HNRNPUL1: variants seen among roughly 807,000 people sequenced by gnomAD.
HNRNPUL1 encodes the protein heterogeneous nuclear ribonucleoprotein U-like protein 1.
Under a neutral mutation model 108.5 loss-of-function variants are expected in HNRNPUL1, and 14 were observed. The observed-to-expected ratio is 0.13, with a 90% CI of 0.09 to 0.20. The LOEUF (loss-of-function observed/expected upper bound fraction) is 0.20. Among genes scored for constraint, HNRNPUL1 ranks in the 10% least tolerant of loss-of-function variants. The pLI is 1.00. For synonymous variants in HNRNPUL1, 422 were observed against 445.2 expected (o/e 0.95, Z 0.66); for missense variants, 804 against 1,168.3 (o/e 0.69, Z 4.55).
At position 41,306,913 on chromosome 19, in the gene HNRNPUL1, T is replaced by G. The variant is rs1339199330; in HGVS notation, c.*348T>G. 5.7e-6 allele frequency: 1 copy of G among 176,824 alleles called. No individual in the cohort carries two copies. Among genetic ancestry groups the G allele is most frequent in the Non-Finnish European group, 1.2e-5 (1 of 84,210 alleles). 11.0% of individuals were successfully genotyped at this position (176,824 alleles called of 1,614,324 possible). ...TACAGTGACTGAGGGGAGAATCCCCTCCTGTTCACTCTCCCAACCCTGCTC... is the reference window on the plus strand; with the variant it reads ...TACAGTGACTGAGGGGAGAATCCCCGCCTGTTCACTCTCCCAACCCTGCTC... On this transcript the variant is annotated 3_prime_UTR_variant, in exon 15 of 15. Coordinates refer to ENST00000392006, the MANE Select transcript of HNRNPUL1 (RefSeq NM_007040.6).
At chr19:41,285,136 A>G (rs1264115816) in intron 7 of HNRNPUL1, among the ~76,000 whole-genome samples, 1 of 152,204 alleles carries the variant, frequency 6.6e-6, no homozygotes, top group Non-Finnish European at 1.5e-5. Flanking sequence ...TGGTTTAATA[A>G]CTTTAGAAAG....
Position 41,305,549 on chromosome 19 carries a change from C to T in HNRNPUL1, c.2263-127C>T, listed in dbSNP as rs1053788722. On this transcript the variant is annotated intron_variant, in intron 13 of 14. Coordinates refer to ENST00000392006, the MANE Select transcript of HNRNPUL1 (RefSeq NM_007040.6). ...CTCCTTCTCAGCCCACAAACAATGT[C>T]CACTAGGCAAGGGAAGGGCCCCTGT... 3.5e-6 allele frequency: 4 copies of T among 1,142,616 alleles called. No individual in the cohort carries two copies. The African/African-American group carries it at 4.6e-5, about 13-fold the overall frequency. 70.8% of individuals were successfully genotyped at this position (1,142,616 alleles called of 1,614,324 possible).
Position 41,306,547 on chromosome 19 carries a change from T to G in HNRNPUL1, c.2553T>G (p.Gly851=), listed in dbSNP as rs201978925. The change falls in exon 15 of 15, where the codon GGT becomes GGG. Residue 851 remains glycine (G), a synonymous_variant. Coordinates refer to ENST00000392006, the MANE Select transcript of HNRNPUL1 (RefSeq NM_007040.6). Reference sequence around the variant, plus strand: ...GGAGCTACTCCGGGAACACACAGGGTGGCACAAGTACACAGTAGCCAGTGT... The same window carrying G: ...GGAGCTACTCCGGGAACACACAGGGGGGCACAAGTACACAGTAGCCAGTGT... ...DYGSYSGNTQ[G]GTSTQ 3.0e-5 allele frequency: 48 copies of G among 1,600,902 alleles called. No homozygotes were observed. Among genetic ancestry groups the G allele is most frequent in the Non-Finnish European group, 3.7e-5 (43 of 1,174,008 alleles).
chr19:41,287,760 A>G (rs1416379450), intron 7 of HNRNPUL1, among the ~76,000 whole-genome samples: 2 of 151,996 alleles, frequency 1.3e-5, no homozygotes, highest in Non-Finnish European at 2.9e-5. Context: ...GGGTTTCACC[A>G]TGTTGGCCAG....
At chr19:41,274,383 C>T (rs1051791694) in intron 4 of HNRNPUL1, among the ~76,000 whole-genome samples, 3 of 152,186 alleles carry the variant, frequency 2.0e-5, no homozygotes, top group Non-Finnish European at 4.4e-5. Context: ...CCGCCCTGTA[C>T]ACACAGGGGT....
At chr19:41,291,220 A>G (rs1279306774) in intron 7 of HNRNPUL1, among the ~76,000 whole-genome samples, 1 of 152,144 alleles carries the variant, frequency 6.6e-6, no homozygotes, top group African/African-American at 2.4e-5. Flanking sequence ...AGGCTTATAT[A>G]CAAGCAACTG....
intron 10 of HNRNPUL1, among the ~76,000 whole-genome samples, chr19:41,295,357 G>T (rs1057025997): frequency 6.6e-6 from 1 of 152,044 alleles, no homozygotes; most frequent in Non-Finnish European, 1.5e-5. Flanking sequence ...GCAGCTGCAG[G>T]TGTATCCTTT....
At chr19:41,265,547 G>A (rs1279923520) in intron 1 of HNRNPUL1, among the ~76,000 whole-genome samples, 1 of 152,176 alleles carries the variant, frequency 6.6e-6, no homozygotes, top group African/African-American at 2.4e-5. Flanking sequence ...GGAGATCTGG[G>A]GACTTTCTGG....
intron 7 of HNRNPUL1, among the ~76,000 whole-genome samples, chr19:41,288,241 T>C (rs1268509177): frequency 6.7e-6 from 1 of 148,464 alleles, no homozygotes; most frequent in African/African-American, 2.5e-5. Flanking sequence ...CTTGGGGGTC[T>C]TTTTATTTAT....
chr19:41,288,731 G>C (rs1034557909), intron 7 of HNRNPUL1, among the ~76,000 whole-genome samples: 3 of 152,212 alleles, frequency 2.0e-5, no homozygotes, highest in East Asian at 3.9e-4. Context: ...CAGGGGTTTG[G>C]GTACCCTGCT....
intron 6 of HNRNPUL1, among the ~76,000 whole-genome samples, chr19:41,279,870 A>G (rs2035802577): frequency 6.6e-6 from 1 of 152,164 alleles, no homozygotes; most frequent in African/African-American, 2.4e-5. Context: ...CTGGACATTT[A>G]TTTTTTTGTA....
rs890183782 is a variant in HNRNPUL1 at position 41,292,894 on chromosome 19, G to T, written c.1266+383G>T. The stretch of plus-strand genomic sequence containing the variant: ...GGGTCTCGCTCTGTCACCCAGGCTG[G>T]AGTGCAGTGGTGCGATCACGGCTTA... On this transcript the variant is annotated intron_variant, in intron 8 of 14. Transcript: ENST00000392006. The surrounding 1 kb of genome is among the most constrained non-coding windows in gnomAD (Gnocchi z 4.1). 1.3e-5 allele frequency among the ~76,000 whole-genome samples: 2 copies of T among 152,058 alleles called. No individual in the cohort carries two copies. The highest frequency in any genetic ancestry group is 2.9e-5 in the Non-Finnish European group (2 of 68,008).
chr19:41,294,084 A>G lies in HNRNPUL1; in HGVS notation c.1267-254A>G, dbSNP rs1297932425. ...TTTGTTTTCCCCCGAAAGTCCTGGG[A>G]TTATAGGCGTGAGCTACCGTGCCTG... On this transcript the variant is annotated intron_variant, in intron 8 of 14. Transcript: ENST00000392006. This position sits in a 1 kb window ranked among gnomAD's most constrained non-coding sequence, Gnocchi z 4.3. 6.6e-6 allele frequency among the ~76,000 whole-genome samples: 1 copy of G among 152,000 alleles called. No homozygotes were observed. Among genetic ancestry groups the G allele is most frequent in the Non-Finnish European group, 1.5e-5 (1 of 67,974 alleles).
intron 14 of HNRNPUL1, 60 bp from the exon 15 acceptor site, chr19:41,306,389 G>A (rs1279453582): frequency 8.7e-7 from 1 of 1,147,338 alleles, no homozygotes; most frequent in Non-Finnish European, 1.2e-6. Context: ...TGGGGCTGGT[G>A]GGGAGGCTAA....
intron 7 of HNRNPUL1, among the ~76,000 whole-genome samples, chr19:41,284,779 C>T (rs1599806235): frequency 2.0e-5 from 3 of 152,214 alleles, no homozygotes; most frequent in Non-Finnish European, 2.9e-5. Flanking sequence ...GGGCAGATCA[C>T]GAGGTCAGGA....
intron 10 of HNRNPUL1, among the ~76,000 whole-genome samples, chr19:41,297,992 A>G (rs572189824): frequency 1.3e-5 from 2 of 152,106 alleles, no homozygotes; most frequent in Non-Finnish European, 2.9e-5. Flanking sequence ...CTTCCTATAA[A>G]TGTGGTTCTT....
At chr19:41,289,592 T>G (rs1385283740) in intron 7 of HNRNPUL1, among the ~76,000 whole-genome samples, 1 of 152,150 alleles carries the variant, frequency 6.6e-6, no homozygotes, top group Non-Finnish European at 1.5e-5. Context: ...ATGGCTCTGT[T>G]GGTGGTAGAT....
intron 7 of HNRNPUL1, chr19:41,291,994 C>CAAAA: frequency 1.2e-5 from 3 of 247,780 alleles, no homozygotes; most frequent in South Asian, 9.2e-5. Flanking sequence ...AAAAAAAAAA[C>CAAAA]AAAAAAAAAA....
intron 7 of HNRNPUL1, among the ~76,000 whole-genome samples, chr19:41,282,026 C>T (rs7256416): frequency 0.21 from 31,201 of 152,166 alleles, 3,591 homozygotes; most frequent in East Asian, 0.35. Flanking sequence ...GTAAATACCA[C>T]TTAATACTGT....
Sources: gnomAD v4.1 joint callset for allele counts (sites outside exome capture counted in the v4.1 genomes callset) on GRCh38, gnomAD v4.1.1 for gene constraint, Gnocchi (gnomAD v3.1) non-coding constraint, MANE v1.5 for transcripts, NCBI Gene and HGNC (gene_info 2026-07-23, HGNC 2026-07-21) for gene names.